TBC1D19: variants seen among roughly 807,000 people sequenced by gnomAD.
TBC1D19 encodes TBC1 domain family, member 19.
In TBC1D19, 60 loss-of-function variants were observed where a neutral mutation model predicts 89.0. The observed-to-expected ratio is 0.67, with a 90% CI of 0.55 to 0.84. The LOEUF (loss-of-function observed/expected upper bound fraction) is 0.84. Among genes scored for constraint, TBC1D19 ranks in the 40% least tolerant of loss-of-function variants. The pLI is 0.00. For synonymous variants in TBC1D19, 189 were observed against 199.7 expected (o/e 0.95, Z 0.45); for missense variants, 500 against 610.8 (o/e 0.82, Z 1.91).
intron 7 of TBC1D19, 48 bp downstream of exon 7, chr4:26,640,235 G>A: frequency 7.1e-7 from 1 of 1,413,954 alleles, no homozygotes; most frequent in Non-Finnish European, 9.9e-7. Context: ...TGAATAATGT[G>A]AATAAATGAT....
chr4:26,776,015 G>A, the TBC1D19 span, among the ~76,000 whole-genome samples: 1 of 152,072 alleles, frequency 6.6e-6, no homozygotes, highest in Non-Finnish European at 1.5e-5. Flanking sequence ...CATGACTCTA[G>A]TCATCATTGA....
chr4:26,584,330 G>A, intron 1 of TBC1D19, 38 bp downstream of exon 1: 2 of 1,565,734 alleles, frequency 1.3e-6, no homozygotes, highest in Non-Finnish European at 1.7e-6. Context: ...CAGACGGGCG[G>A]GGCCGCGGCG....
Position 26,638,732 on chromosome 4 carries a change from AAAATG to A in TBC1D19, c.370-30_370-26del, listed in dbSNP as rs1743298015. ...TTTTAGTTGTATTGCTAGACTTCAA[AAAATG>A]AAATGAAACCAGTTTCAAAATTACC... On this transcript the variant is annotated intron_variant, in intron 5 of 20. Coordinates refer to ENST00000264866, the MANE Select transcript of TBC1D19 (RefSeq NM_018317.4). The A allele has an allele frequency of 1.9e-6, 3 of 1,543,076 alleles. No individual in the cohort carries two copies. The Admixed American group carries it at 5.6e-5, about 29-fold the overall frequency.
At chr4:26,761,812 G>A in the TBC1D19 span, among the ~76,000 whole-genome samples, 553 of 152,122 alleles carry the variant, frequency 3.6e-3, 3 homozygotes, top group South Asian at 8.3e-3. Context: ...ATAAACAATA[G>A]TTTGGCCAAT....
chr4:26,720,207 C>T, intron 15 of TBC1D19, 82 bp downstream of exon 15: 1 of 986,126 alleles, frequency 1.0e-6, no homozygotes, highest in African/African-American at 1.7e-5. Flanking sequence ...TTCTTATTCT[C>T]TTTAATGGAT....
chr4:26,587,531 C>T (rs567120185), intron 1 of TBC1D19, among the ~76,000 whole-genome samples: 12 of 147,944 alleles, frequency 8.1e-5, no homozygotes, highest in African/African-American at 2.5e-4. Context: ...GAGCAGAGAT[C>T]GCACCACTGC....
In TBC1D19 at chr4:26,675,523, C is replaced by G. The variant is rs533706145; in HGVS notation, c.816+1635C>G. ...GAAATTAATATTTTCAGGAAAGCAA[C>G]CCTGATTTTTTTATTAAAGCATCTT... On this transcript the variant is annotated intron_variant, in intron 11 of 20. Transcript: ENST00000264866. Among the ~76,000 whole-genome samples, 7 of 152,020 alleles carry G rather than the reference C, an allele frequency of 4.6e-5. No homozygotes were observed. The South Asian group carries it at 1.5e-3, about 32-fold the overall frequency.
At chr4:26,742,849 A>T (rs1306070844) in intron 18 of TBC1D19, among the ~76,000 whole-genome samples, 1 of 152,170 alleles carries the variant, frequency 6.6e-6, no homozygotes, top group Non-Finnish European at 1.5e-5. Context: ...CACCAAAATG[A>T]ACCAATTTCT....
chr4:26,805,485 G>A, the TBC1D19 span, among the ~76,000 whole-genome samples: 3 of 152,122 alleles, frequency 2.0e-5, no homozygotes, highest in Non-Finnish European at 4.4e-5. Flanking sequence ...CCTTCCTCAG[G>A]CCGTGCCTCT....
chr4:26,649,679 C>T (rs534854350), intron 7 of TBC1D19, among the ~76,000 whole-genome samples: 66 of 151,850 alleles, frequency 4.3e-4, no homozygotes, highest in Non-Finnish European at 1.5e-5. Flanking sequence ...CAAGTTTCAT[C>T]CATGTTGTGG....
intron 3 of TBC1D19, among the ~76,000 whole-genome samples, chr4:26,616,784 G>C (rs1320227068): frequency 6.6e-6 from 1 of 152,030 alleles, no homozygotes; most frequent in Non-Finnish European, 1.5e-5. Flanking sequence ...ACTAGTGTAG[G>C]TTAGCACTCT....
the TBC1D19 span, among the ~76,000 whole-genome samples, chr4:26,834,903 A>G: frequency 6.6e-6 from 1 of 152,200 alleles, no homozygotes; most frequent in South Asian, 2.1e-4. Context: ...CATGCTTTCT[A>G]CTCAGCATCA....
At chr4:26,749,088 T>G (rs573965952) in intron 19 of TBC1D19, among the ~76,000 whole-genome samples, 1 of 152,320 alleles carries the variant, frequency 6.6e-6, no homozygotes, top group East Asian at 1.9e-4. Flanking sequence ...CTATTTCATC[T>G]TTTTTTCAAA....
At chr4:26,783,950 G>A in the TBC1D19 span, among the ~76,000 whole-genome samples, 1,074 of 152,194 alleles carry the variant, frequency 7.1e-3, 14 homozygotes, top group African/African-American at 0.025. Context: ...GTCCAGAGGT[G>A]CCTCTGGTGG....
intron 4 of TBC1D19, among the ~76,000 whole-genome samples, chr4:26,634,204 G>T (rs943970775): frequency 7.2e-5 from 11 of 151,940 alleles, no homozygotes; most frequent in African/African-American, 2.4e-4. Context: ...ATGGACAACT[G>T]CAGCTGCAGA....
chr4:26,635,985 G>A (rs993398722), intron 4 of TBC1D19, among the ~76,000 whole-genome samples: 2 of 152,034 alleles, frequency 1.3e-5, no homozygotes, highest in Admixed American at 6.6e-5. Context: ...TGTAGTAAAA[G>A]CCATCACTTA....
chr4:26,796,380 G>T, the TBC1D19 span, among the ~76,000 whole-genome samples: 1 of 152,188 alleles, frequency 6.6e-6, no homozygotes, highest in Admixed American at 6.5e-5. Context: ...GATATAAGAG[G>T]TGAAAAATGA....
chr4:26,828,130 T>C, the TBC1D19 span, among the ~76,000 whole-genome samples: 1 of 152,208 alleles, frequency 6.6e-6, no homozygotes, highest in East Asian at 1.9e-4. Flanking sequence ...TGAGCCTTGA[T>C]TTCCCCTTCT....
At chr4:26,593,290 A>G (rs1184188890) in intron 1 of TBC1D19, among the ~76,000 whole-genome samples, 1 of 152,246 alleles carries the variant, frequency 6.6e-6, no homozygotes, top group East Asian at 1.9e-4. Flanking sequence ...AGCCATATGT[A>G]GAAAGCTGAA....
Sources: allele counts gnomAD v4.1 joint callset (sites outside exome capture counted in the v4.1 genomes callset), GRCh38; gene constraint gnomAD v4.1.1; transcripts MANE v1.5; gene names NCBI Gene and HGNC (gene_info 2026-07-23, HGNC 2026-07-21).